SLC22A25: variants seen among roughly 807,000 people sequenced by gnomAD.
The protein encoded by SLC22A25 is MGI:2442751, MGI:2385316, MGI:3042283, MGI:3645714, MGI:3605624, MGI:2442750.
Under a neutral mutation model 45.9 loss-of-function variants are expected in SLC22A25, and 44 were observed. The observed-to-expected ratio is 0.96, with a 90% CI of 0.75 to 1.23. SLC22A25 has a LOEUF of 1.23. Among genes scored for constraint, SLC22A25 ranks in the 50% most tolerant of loss-of-function variants. The pLI is 0.00. For synonymous variants in SLC22A25, 283 were observed against 238.6 expected (o/e 1.19, Z -1.72); for missense variants, 800 against 666.4 (o/e 1.20, Z -2.21).
At chr11:63,189,917 G>C (rs1305810692) in intron 7 of SLC22A25, among the ~76,000 whole-genome samples, 5 of 152,226 alleles carry the variant, frequency 3.3e-5, no homozygotes, top group Non-Finnish European at 7.3e-5. Context: ...CAGATCAGCT[G>C]TTAGTCTGAT....
At chr11:63,240,001 C>T (rs1468386418) in intron 1 of SLC22A25, among the ~76,000 whole-genome samples, 1 of 152,110 alleles carries the variant, frequency 6.6e-6, no homozygotes, top group African/African-American at 2.4e-5. Context: ...GTTGTGTGAA[C>T]ATCATGGAGT....
chr11:63,243,011 CAAAACA>C (rs1565134735), intron 1 of SLC22A25: 1 of 155,876 alleles, frequency 6.4e-6, no homozygotes, highest in Non-Finnish European at 1.4e-5. Context: ...CTTCCCCCTC[CAAAACA>C]AAAACAAAAA....
Position 63,183,798 on chromosome 11 carries a change from G to C in SLC22A25, c.850C>G (p.Arg284Gly). 1 of 1,612,866 alleles carries C rather than the reference G, an allele frequency of 6.2e-7. No homozygotes were observed. Among genetic ancestry groups the C allele is most frequent in the Non-Finnish European group, 8.5e-7 (1 of 1,179,262 alleles). Residue 284 changes from arginine (R) to glycine (G), a missense_variant, in exon 8 of 12, where the codon CGG becomes GGG. Coordinates refer to ENST00000306494, the MANE Select transcript of SLC22A25 (RefSeq NM_199352.6). ...GGTTTGTTGTTGATAATGAGCCACC[G>C]AGCAGACTCTGCCAGCCACCTGAGC... ...LFSRWLAESA[R>G]WLIINNKPEE...
chr11:63,228,578 A>G lies in SLC22A25; in HGVS notation c.403-14T>C. The G allele has an allele frequency of 6.3e-7, 1 of 1,587,958 alleles. No homozygotes were observed. The highest frequency in any genetic ancestry group is 8.6e-7 in the Non-Finnish European group (1 of 1,157,218). ...TACCAGATCCCACTGGAAGAAAAGG[A>G]AACCCTCATATCAATGCTTATAGCC... On this transcript the variant is annotated splice_polypyrimidine_tract_variant and intron_variant, in intron 4 of 11. Coordinates refer to ENST00000306494, the MANE Select transcript of SLC22A25 (RefSeq NM_199352.6).
At chr11:63,227,137 T>C (rs1237456801) in intron 5 of SLC22A25, among the ~76,000 whole-genome samples, 4 of 152,058 alleles carry the variant, frequency 2.6e-5, no homozygotes, top group Non-Finnish European at 4.4e-5. Flanking sequence ...TCTTCCCCAC[T>C]GCGGCTGAGC....
At position 63,194,467 on chromosome 11, in the gene SLC22A25, C is replaced by A. The variant is rs57395896; in HGVS notation, c.831-10650G>T. Among the ~76,000 whole-genome samples, 1,237 of 152,036 alleles carry A rather than the reference C, an allele frequency of 8.1e-3. 14 individuals are homozygous for A. Among genetic ancestry groups the A allele is most frequent in the African/African-American group, 0.027 (1,126 of 41,482 alleles). On this transcript the variant is annotated intron_variant, in intron 7 of 11. Transcript: ENST00000306494. Reference sequence around the variant, plus strand: ...GAATTTCATATGCAGCCAAACTAAGCTTCATAAGTGAAGGAGACATAAAAT... The same window carrying A: ...GAATTTCATATGCAGCCAAACTAAGATTCATAAGTGAAGGAGACATAAAAT...
chr11:63,174,057 C>T (rs182262468), intron 9 of SLC22A25, among the ~76,000 whole-genome samples: 217 of 152,136 alleles, frequency 1.4e-3, no homozygotes, highest in Non-Finnish European at 2.7e-3. Context: ...CCCTAACCCA[C>T]CACCCCCTGA....
chr11:63,208,399 A>T (rs1378520332), intron 7 of SLC22A25: 2 of 152,272 alleles, frequency 1.3e-5, no homozygotes, highest in Non-Finnish European at 2.9e-5. Context: ...GGGTGGCAGG[A>T]GTCGCTTGCC....
At chr11:63,181,409 C>T (rs181962540) in intron 8 of SLC22A25, among the ~76,000 whole-genome samples, 1 of 129,486 alleles carries the variant, frequency 7.7e-6, no homozygotes, top group African/African-American at 2.8e-5. Context: ...CACCCCACAA[C>T]AGTCCTGGTG....
chr11:63,222,842 A>G (rs936602846), intron 5 of SLC22A25, among the ~76,000 whole-genome samples: 45 of 151,728 alleles, frequency 3.0e-4, no homozygotes. Flanking sequence ...TCATGAAGCA[A>G]TGTTTAATTT....
chr11:63,161,480 A>G lies in SLC22A25; in HGVS notation c.*2344T>C, dbSNP rs1451342165. On this transcript the variant is annotated 3_prime_UTR_variant, in exon 12 of 12. Coordinates refer to ENST00000306494, the MANE Select transcript of SLC22A25 (RefSeq NM_199352.6). ...CTCATCTTGAATTGTAGCTCCCACA[A>G]TTCCCACACATCATGGGAGGGATCC... Among the ~76,000 whole-genome samples, 2 of 152,184 alleles carry G rather than the reference A, an allele frequency of 1.3e-5. No individual in the cohort carries two copies. Among genetic ancestry groups the G allele is most frequent in the African/African-American group, 2.4e-5 (1 of 41,452 alleles).
At chr11:63,168,834 T>C (rs182617329) in intron 9 of SLC22A25, among the ~76,000 whole-genome samples, 1 of 152,088 alleles carries the variant, frequency 6.6e-6, no homozygotes, top group East Asian at 1.9e-4. Flanking sequence ...TAGATACTCC[T>C]TGAGAAGAGC....
At chr11:63,201,638 C>A (rs183624463) in intron 7 of SLC22A25, among the ~76,000 whole-genome samples, 1 of 152,142 alleles carries the variant, frequency 6.6e-6, no homozygotes, top group East Asian at 1.9e-4. Flanking sequence ...CAATTGCAAC[C>A]AAAGCAAAAA....
chr11:63,229,666 G>C lies in SLC22A25; in HGVS notation c.-14C>G, dbSNP rs1426383203. ...CTGAAAGGCCATTGAGGCTGGACAA[G>C]TGATCCCCAAGAGGAGACAAAATGA... On this transcript the variant is annotated 5_prime_UTR_variant, in exon 4 of 12. Transcript: ENST00000306494. 6.3e-7 allele frequency: 1 copy of C among 1,595,224 alleles called. No individual in the cohort carries two copies. Among genetic ancestry groups the C allele is most frequent in the Non-Finnish European group, 8.6e-7 (1 of 1,165,202 alleles).
chr11:63,231,375 T>A (rs1319631170), intron 3 of SLC22A25, among the ~76,000 whole-genome samples: 5 of 152,232 alleles, frequency 3.3e-5, no homozygotes, highest in African/African-American at 1.2e-4. Context: ...TCATTGTGGG[T>A]TTGATTTGCA....
intron 7 of SLC22A25, among the ~76,000 whole-genome samples, chr11:63,198,231 T>C (rs1056268082): frequency 1.3e-5 from 2 of 152,134 alleles, no homozygotes; most frequent in Admixed American, 6.6e-5. Context: ...TGGGTATATA[T>C]CCAAAGGATT....
Position 63,229,696 on chromosome 11 carries a change from A to G in SLC22A25, c.-44T>C, listed in dbSNP as rs2090034388. The G allele has an allele frequency of 3.9e-6, 6 of 1,558,426 alleles. No homozygotes were observed. Among genetic ancestry groups the G allele is most frequent in the African/African-American group, 2.7e-5 (2 of 73,228 alleles). Reference sequence around the variant, plus strand: ...CCCCAAGAGGAGACAAAATGACTGTATCCAGATAAGTTCAAAGAGAAAATA... The same window carrying G: ...CCCCAAGAGGAGACAAAATGACTGTGTCCAGATAAGTTCAAAGAGAAAATA... On this transcript the variant is annotated 5_prime_UTR_variant, in exon 4 of 12. Transcript: ENST00000306494.
In SLC22A25 at chr11:63,185,593, G is replaced by A. The variant is rs1391571658; in HGVS notation, c.831-1776C>T. Among the ~76,000 whole-genome samples, 3 of 148,466 alleles carry A rather than the reference G, an allele frequency of 2.0e-5. No individual in the cohort carries two copies. In the East Asian group the frequency reaches 6.1e-4, roughly 30 times the overall value. ...GTTTTAGGGTACATGTGCACATTGTGCAGGTTAGTTACATATGTATACATG... is the reference window on the plus strand; with the variant it reads ...GTTTTAGGGTACATGTGCACATTGTACAGGTTAGTTACATATGTATACATG... On this transcript the variant is annotated intron_variant, in intron 7 of 11. Transcript: ENST00000306494.
chr11:63,165,822 T>TGG (rs2087660332), intron 10 of SLC22A25, among the ~76,000 whole-genome samples: 1 of 152,212 alleles, frequency 6.6e-6, no homozygotes, highest in African/African-American at 2.4e-5. Context: ...TTCTCAAATG[T>TGG]GCTGAAGACA....
Sources: allele counts gnomAD v4.1 joint callset (sites outside exome capture counted in the v4.1 genomes callset), GRCh38; gene constraint gnomAD v4.1.1; transcripts MANE v1.5; gene names NCBI Gene and HGNC (gene_info 2026-07-23, HGNC 2026-07-21).